The following ATF6 variants were observed in gnomAD, a reference collection of about 807,000 sequenced individuals.
The protein encoded by ATF6 is activating transcription factor 6, also known as cyclic AMP-dependent transcription factor ATF-6 alpha.
A neutral mutation model predicts 83.6 loss-of-function variants in ATF6; 53 were observed. The observed-to-expected ratio is 0.63, with a 90% CI of 0.51 to 0.80. The LOEUF is 0.80. Among genes scored for constraint, ATF6 ranks in the 30% least tolerant of loss-of-function variants. ATF6 has a pLI of 0.00. For synonymous variants in ATF6, 288 were observed against 285.8 expected (o/e 1.01, Z -0.08); for missense variants, 744 against 797.9 (o/e 0.93, Z 0.81).
intron 7 of ATF6, among the ~76,000 whole-genome samples, chr1:161,807,670 T>C (rs1685323892): frequency 1.3e-5 from 2 of 152,172 alleles, no homozygotes; most frequent in Non-Finnish European, 2.9e-5. Context: ...AATGTAGGTT[T>C]GGAGCTTCTA....
intron 15 of ATF6, among the ~76,000 whole-genome samples, chr1:161,951,078 C>T (rs998993744): frequency 2.6e-5 from 4 of 152,094 alleles, no homozygotes; most frequent in African/African-American, 9.7e-5. Flanking sequence ...TATCAAAAGC[C>T]CTAGGGGAGC....
chr1:161,964,049 A>G lies in ATF6; in HGVS notation c.*5395A>G, dbSNP rs935585435. On this transcript the variant is annotated 3_prime_UTR_variant, in exon 16 of 16. Coordinates refer to ENST00000367942, the MANE Select transcript of ATF6 (RefSeq NM_007348.4). Reference sequence around the variant, plus strand: ...ACTACCTGTTATTTCTCTAAAATTCAAATAAAGAATTTTTAAACTTACCTT... The same window carrying G: ...ACTACCTGTTATTTCTCTAAAATTCGAATAAAGAATTTTTAAACTTACCTT... 3 of 152,242 alleles carry G rather than the reference A, an allele frequency of 2.0e-5. No homozygotes were observed. The highest frequency in any genetic ancestry group is 6.5e-5 in the Admixed American group (1 of 15,284). 9.4% of individuals were successfully genotyped at this position (152,242 alleles called of 1,614,324 possible).
chr1:161,957,340 C>T (rs969784801), intron 15 of ATF6, among the ~76,000 whole-genome samples: 3 of 152,192 alleles, frequency 2.0e-5, no homozygotes, highest in African/African-American at 7.2e-5. Context: ...CAGCCCCACA[C>T]CCCGCTCTGG....
intron 9 of ATF6, among the ~76,000 whole-genome samples, chr1:161,826,615 A>T (rs1557981430): frequency 6.6e-6 from 1 of 152,168 alleles, no homozygotes; most frequent in Admixed American, 6.5e-5. Context: ...TATTCAAGTT[A>T]AAAAAACATG....
chr1:161,782,060 C>G, intron 3 of ATF6, 61 bp downstream of exon 3: 3 of 1,243,436 alleles, frequency 2.4e-6, no homozygotes, highest in Non-Finnish European at 3.4e-6. Flanking sequence ...GTAGTTTGGT[C>G]ATACTCAAAA....
chr1:161,774,530 C>T (rs74369206), intron 1 of ATF6, among the ~76,000 whole-genome samples: 2 of 151,674 alleles, frequency 1.3e-5, no homozygotes, highest in Non-Finnish European at 2.9e-5. Flanking sequence ...TCTTGCATGC[C>T]TTTTACACAG....
rs1684897602 is a variant in ATF6, at chr1:161,792,200, A to G, written c.561A>G (p.Pro187=). 2.5e-6 allele frequency: 4 copies of G among 1,614,178 alleles called. No individual in the cohort carries two copies. The highest frequency in any genetic ancestry group is 2.7e-5 in the African/African-American group (2 of 75,070). The change falls in exon 6 of 16, where the codon CCA becomes CCG. Residue 187 remains proline (P), a synonymous_variant. Transcript: ENST00000367942. Reference sequence around the variant, plus strand: ...TTCAGCCCAAGCCTTTATTGCTTCCAGCAGCACCCAAGACTCAAACAAACT... The same window carrying G: ...TTCAGCCCAAGCCTTTATTGCTTCCGGCAGCACCCAAGACTCAAACAAACT... ...PSIQPKPLLL[P]AAPKTQTNSS...
chr1:161,835,550 A>G (rs1686193369), intron 9 of ATF6, among the ~76,000 whole-genome samples: 1 of 152,124 alleles, frequency 6.6e-6, no homozygotes, highest in Non-Finnish European at 1.5e-5. Context: ...ATAGTTTTGT[A>G]TTTCTTTCTT....
intron 4 of ATF6, among the ~76,000 whole-genome samples, chr1:161,786,075 C>T (rs1684742100): frequency 6.9e-6 from 1 of 145,452 alleles, no homozygotes; most frequent in Non-Finnish European, 1.5e-5. Flanking sequence ...TGGCTTCAAG[C>T]AATTCTCCTG....
intron 4 of ATF6, among the ~76,000 whole-genome samples, chr1:161,790,827 A>G (rs1684858224): frequency 6.6e-6 from 1 of 151,952 alleles, no homozygotes; most frequent in African/African-American, 2.4e-5. Context: ...AACAACAACA[A>G]CAACAACAAC....
At chr1:161,803,794 T>C (rs1216324447) in intron 7 of ATF6, among the ~76,000 whole-genome samples, 1 of 152,130 alleles carries the variant, frequency 6.6e-6, no homozygotes. Flanking sequence ...ACCAACCAGG[T>C]TAAGAATGAT....
chr1:161,887,241 T>G (rs987424714), intron 14 of ATF6, among the ~76,000 whole-genome samples: 5 of 147,544 alleles, frequency 3.4e-5, no homozygotes, highest in African/African-American at 1.2e-4. Context: ...CTGGCTAATT[T>G]TTGTGCTTTT....
chr1:161,940,792 G>A (rs1488398318), intron 15 of ATF6, among the ~76,000 whole-genome samples: 3 of 152,000 alleles, frequency 2.0e-5, no homozygotes, highest in Non-Finnish European at 4.4e-5. Flanking sequence ...TCGATCTCTT[G>A]ACCTTGTGAT....
intron 15 of ATF6, among the ~76,000 whole-genome samples, chr1:161,918,472 T>C (rs1199400581): frequency 6.6e-6 from 1 of 152,194 alleles, no homozygotes; most frequent in African/African-American, 2.4e-5. Flanking sequence ...TATAGGATTC[T>C]TCAAGACCCA....
intron 14 of ATF6, among the ~76,000 whole-genome samples, chr1:161,889,933 T>C (rs1402012195): frequency 6.6e-6 from 1 of 152,220 alleles, no homozygotes; most frequent in Non-Finnish European, 1.5e-5. Flanking sequence ...ATTTCAAACT[T>C]ACAGAAAAGT....
intron 4 of ATF6, among the ~76,000 whole-genome samples, chr1:161,786,828 A>G (rs573846324): frequency 2.0e-4 from 31 of 152,348 alleles, no homozygotes; most frequent in Admixed American, 1.7e-3. Flanking sequence ...AAATTGTGCC[A>G]GACATCCCAG....
intron 1 of ATF6, among the ~76,000 whole-genome samples, chr1:161,777,592 C>T (rs1221804756): frequency 6.6e-6 from 1 of 152,194 alleles, no homozygotes; most frequent in Non-Finnish European, 1.5e-5. Flanking sequence ...GAGGAGCCTT[C>T]TTGGGCCTTG....
intron 15 of ATF6, among the ~76,000 whole-genome samples, chr1:161,926,930 A>G (rs1384978567): frequency 6.6e-6 from 1 of 152,104 alleles, no homozygotes; most frequent in Non-Finnish European, 1.5e-5. Context: ...GTCATTGCTT[A>G]GTTTTATACT....
chr1:161,803,998 C>T (rs1222920514), intron 7 of ATF6, among the ~76,000 whole-genome samples: 1 of 117,630 alleles, frequency 8.5e-6, no homozygotes, highest in East Asian at 3.0e-4. Flanking sequence ...CCCCCTCCCC[C>T]CACCCCACAA....
Sources: allele counts gnomAD v4.1 joint callset (sites outside exome capture counted in the v4.1 genomes callset), GRCh38; gene constraint gnomAD v4.1.1; transcripts MANE v1.5; gene names NCBI Gene and HGNC (gene_info 2026-07-23, HGNC 2026-07-21).